The following FLG variants were observed in gnomAD, a reference collection of about 807,000 sequenced individuals.
FLG encodes the protein epidermal filaggrin.
A neutral mutation model predicts 3.8 loss-of-function variants in FLG; 6 were observed. That is an observed-to-expected ratio of 1.60 (90% CI 0.87 to 3.15). The LOEUF (loss-of-function observed/expected upper bound fraction) is 3.15. Ranked by LOEUF, FLG falls within the 30% of genes most tolerant of loss-of-function variation. The pLI is 0.00. For synonymous variants in FLG, 2,551 were observed against 1,931.6 expected, an observed-to-expected ratio of 1.32 and a Z score of -8.41; for missense variants, 7,595 against 5,050.9, an observed-to-expected ratio of 1.50 and a Z score of -15.27.
In FLG at chr1:152,309,053, A is replaced by T. The variant is rs1277310700; in HGVS notation, c.5833T>A (p.Ser1945Thr). The change falls in exon 3 of 3, where the codon TCT becomes ACT. Residue 1945 changes from serine (S) to threonine (T), a missense_variant. Coordinates refer to ENST00000368799, the MANE Select transcript of FLG (RefSeq NM_002016.2). ...SGSASRNHLG[S>T]AWEQSRDGSR... ...CCATCTCTTGACTGCTCCCAAGCAG[A>T]TCCAAGATGGTTTCTGGAAGCAGAC... is the stretch of plus-strand genomic sequence containing the variant. 1 of 1,614,080 alleles carries T rather than the reference A, an allele frequency of 6.2e-7. No homozygotes were observed. Among genetic ancestry groups the T allele is most frequent in the Admixed American group, 1.7e-5 (1 of 60,028 alleles).
Position 152,314,100 on chromosome 1 carries a change from T to C in FLG, c.786A>G (p.Ser262=). ...CTTGAGATGATGATTTGCCATCAGATGACCTTGATCTTTCATATATTTTGT... is the reference window on the plus strand; with the variant it reads ...CTTGAGATGATGATTTGCCATCAGACGACCTTGATCTTTCATATATTTTGT... ...EENKIYERSR[S]SDGKSSSQVN... Residue 262 remains serine, a synonymous_variant, in exon 3 of 3, where the codon TCA becomes TCG. Coordinates refer to ENST00000368799, the MANE Select transcript of FLG (RefSeq NM_002016.2). 6.2e-7 allele frequency: 1 copy of C among 1,614,238 alleles called. No individual in the cohort carries two copies. Among genetic ancestry groups the C allele is most frequent in the Non-Finnish European group, 8.5e-7 (1 of 1,180,026 alleles).
rs1389063817 is a variant in FLG at position 152,312,437 on chromosome 1, T to C, written c.2449A>G (p.Arg817Gly). 2 of 1,613,584 alleles carry C rather than the reference T, an allele frequency of 1.2e-6. No homozygotes were observed. Among genetic ancestry groups the C allele is most frequent in the Non-Finnish European group, 1.7e-6 (2 of 1,179,864 alleles). ...HGWTGPSTGV[R>G]QGSHHEQARD... ...GCCTGCTCATGGTGGGATCCTTGTCTTACTCCAGTGCTGGGCCCTGTCCAT... is the reference window on the plus strand; with the variant it reads ...GCCTGCTCATGGTGGGATCCTTGTCCTACTCCAGTGCTGGGCCCTGTCCAT... Residue 817 changes from arginine (R) to glycine (G), a missense_variant, in exon 3 of 3, where the codon AGA becomes GGA. By Grantham distance (125) the Arg-to-Gly change is moderately radical (BLOSUM62 -2). Transcript: ENST00000368799.
At position 152,303,709 on chromosome 1, in the gene FLG, C is replaced by T. The variant is rs768888609; in HGVS notation, c.11177G>A (p.Arg3726Gln). 155 of 1,613,826 alleles carry T rather than the reference C, an allele frequency of 9.6e-5. 1 individual carries two copies. In the Admixed American group the frequency reaches 1.0e-3, roughly 11 times the overall value. Reference sequence around the variant, plus strand: ...TCTTCCTCCAGTACTGGGCCCAGCCCGTCCATGGGCAGACTCAGACTGTTC... The same window carrying T: ...TCTTCCTCCAGTACTGGGCCCAGCCTGTCCATGGGCAGACTCAGACTGTTC... ...THEQSESAHGRAGPSTGGRQG... is the reference protein window; with the variant it reads ...THEQSESAHGQAGPSTGGRQG... Residue 3726 changes from arginine to glutamine, a missense_variant, in exon 3 of 3, where the codon CGG becomes CAG. Physicochemically the swap from Arg to Gln is conservative, Grantham distance 43. Transcript: ENST00000368799.
chr1:152,303,408 T>C lies in FLG; in HGVS notation c.11478A>G (p.Ser3826=). ...EEQSGDGSRH[S]GSRHHEASTQ... is the part of the protein sequence containing the mutation. ...TGGAAGCTTCATGGTGACGCGACCC[T>C]GAGTGCCTGGAGCCGTCTCCTGACT... Residue 3826 remains serine, a synonymous_variant, in exon 3 of 3, where the codon TCA becomes TCG. Transcript: ENST00000368799. 6.2e-7 allele frequency: 1 copy of C among 1,614,096 alleles called. No homozygotes were observed. The highest frequency in any genetic ancestry group is 1.1e-5 in the South Asian group (1 of 91,076).
rs1452568763 is a variant in FLG at position 152,311,133 on chromosome 1, C to T, written c.3753G>A (p.Gln1251=). The change falls in exon 3 of 3, where the codon CAG becomes CAA. Residue 1251 remains glutamine, a synonymous_variant. Coordinates refer to ENST00000368799, the MANE Select transcript of FLG (RefSeq NM_002016.2). ...ASWADSSRHS[Q]VGQEQSSGSR... ...ACCCCGATGATTGTTCCTGTCCCACCTGTGAGTGTCTAGAGCTGTCAGCCC... is the reference window on the plus strand; with the variant it reads ...ACCCCGATGATTGTTCCTGTCCCACTTGTGAGTGTCTAGAGCTGTCAGCCC... 24 of 1,613,910 alleles carry T rather than the reference C, an allele frequency of 1.5e-5. No homozygotes were observed. Among genetic ancestry groups the T allele is most frequent in the Non-Finnish European group, 2.0e-5 (24 of 1,179,998 alleles).
Position 152,314,600 on chromosome 1 carries a change from T to C in FLG, c.286A>G (p.Ile96Val). 1 of 1,614,016 alleles carries C rather than the reference T, an allele frequency of 6.2e-7. No homozygotes were observed. Among genetic ancestry groups the C allele is most frequent in the Non-Finnish European group, 8.5e-7 (1 of 1,179,932 alleles). Residue 96 changes from isoleucine (I) to valine (V), a missense_variant, in exon 3 of 3, where the codon ATA becomes GTA. Coordinates refer to ENST00000368799, the MANE Select transcript of FLG (RefSeq NM_002016.2). ...YESTRKENLP[I>V]SGHKHRKHSH... is the part of the protein sequence containing the mutation. ...TGCTTTCTGTGCTTGTGTCCTGATA[T>C]CGGTAAATTCTCTTTTCTGGTAGAC...
chr1:152,308,161 C>G lies in FLG; in HGVS notation c.6725G>C (p.Ser2242Thr). 6.2e-7 allele frequency: 1 copy of G among 1,614,026 alleles called. No homozygotes were observed. The highest frequency in any genetic ancestry group is 1.1e-5 in the South Asian group (1 of 91,078). The part of the protein sequence containing the change: ...GPRTSRPRGS[S>T]VSQDSDSEGH... The stretch of plus-strand genomic sequence containing the variant: ...CTCACTGTCACTGTCCTGGCTAACA[C>G]TGGATCCCCGGGGCCTGCTTGTCCT... The change falls in exon 3 of 3, where the codon AGT becomes ACT. Residue 2242 changes from serine (S) to threonine (T), a missense_variant. Physicochemically the swap from Ser to Thr is moderately conservative, Grantham distance 58. Transcript: ENST00000368799.
intron 1 of FLG, among the ~76,000 whole-genome samples, chr1:152,321,095 CAT>C (rs1323696899): frequency 6.6e-6 from 1 of 150,640 alleles, no homozygotes; most frequent in Non-Finnish European, 1.5e-5. Context: ...TATACACTCA[CAT>C]ATATATGTAT....
At position 152,307,557 on chromosome 1, in the gene FLG, G is replaced by A. The variant is rs200938831; in HGVS notation, c.7329C>T (p.His2443=). The change falls in exon 3 of 3, where the codon CAC becomes CAT. Residue 2443 remains histidine, a synonymous_variant. Transcript: ENST00000368799. The stretch of plus-strand genomic sequence containing the variant: ...GCCTGGAGCTGTCTCGTGCCTGCTT[G>A]TGGTGGGATCCTTGTCTTCCTCCAG... ...TSTGGRQGSH[H]KQARDSSRHS... 9.9e-6 allele frequency: 16 copies of A among 1,613,582 alleles called. No homozygotes were observed. Among genetic ancestry groups the A allele is most frequent in the Non-Finnish European group, 1.3e-5 (15 of 1,179,924 alleles).
rs1260173275 is a variant in FLG at position 152,308,164 on chromosome 1, G to A, written c.6722C>T (p.Ser2241Phe). 4 of 1,613,608 alleles carry A rather than the reference G, an allele frequency of 2.5e-6. No individual in the cohort carries two copies. The highest frequency in any genetic ancestry group is 2.7e-5 in the African/African-American group (2 of 74,746). The stretch of plus-strand genomic sequence containing the variant: ...ACTGTCACTGTCCTGGCTAACACTG[G>A]ATCCCCGGGGCCTGCTTGTCCTGGG... ...SGPRTSRPRG[S>F]SVSQDSDSEG... is the part of the protein sequence containing the mutation. The change falls in exon 3 of 3, where the codon TCC becomes TTC. Residue 2241 changes from serine to phenylalanine, a missense_variant. Physicochemically the swap from Ser to Phe is radical, Grantham distance 155. Coordinates refer to ENST00000368799, the MANE Select transcript of FLG (RefSeq NM_002016.2).
chr1:152,309,996 G>A lies in FLG; in HGVS notation c.4890C>T (p.Ser1630=), dbSNP rs549165915. 6.2e-4 allele frequency: 999 copies of A among 1,613,950 alleles called. 15 individuals are homozygous for A. The South Asian group carries it at 0.01, about 16-fold the overall frequency. Reference sequence around the variant, plus strand: ...CTTCTTGATGGGACCTGGGGTTCCTGGAGCCATGTCTTGACTGCTCCCGAG... The same window carrying A: ...CTTCTTGATGGGACCTGGGGTTCCTAGAGCCATGTCTTGACTGCTCCCGAG... ...GSAREQSRHG[S]RNPRSHQEDR... is the part of the protein sequence containing the mutation. The change falls in exon 3 of 3, where the codon TCC becomes TCT. Residue 1630 remains serine (S), a synonymous_variant. Transcript: ENST00000368799.
Position 152,314,452 on chromosome 1 carries a change from C to G in FLG, c.434G>C (p.Arg145Thr), listed in dbSNP as rs751449152. 1.1e-5 allele frequency: 17 copies of G among 1,613,344 alleles called. No homozygotes were observed. The highest frequency in any genetic ancestry group is 1.4e-5 in the Non-Finnish European group (16 of 1,179,780). ...KGNKGRSKSP[R>T]ETGGKRHESS... ...TTCATGCCTTTTCCCCCCTGTTTCT[C>G]TTGGGCTCTTGGATCTTCCCTTATT... The change falls in exon 3 of 3, where the codon AGA becomes ACA. Residue 145 changes from arginine (R) to threonine (T), a missense_variant. Arg to Thr is a moderately conservative substitution (Grantham distance 71, BLOSUM62 -1). Transcript: ENST00000368799.
In FLG at chr1:152,314,178, A is replaced by G; in HGVS notation, c.708T>C (p.Tyr236=). 2.5e-6 allele frequency: 4 copies of G among 1,614,108 alleles called. No individual in the cohort carries two copies. Among genetic ancestry groups the G allele is most frequent in the Non-Finnish European group, 3.4e-6 (4 of 1,180,018 alleles). The change falls in exon 3 of 3, where the codon TAT becomes TAC. Residue 236 remains tyrosine (Y), a synonymous_variant. Coordinates refer to ENST00000368799, the MANE Select transcript of FLG (RefSeq NM_002016.2). ...CATAGGCTTCATCCTGGATTGTGTA[A>G]TATGTGGCAATATGGCCTGATTGTA... ...KWIQSGHIAT[Y]YTIQDEAYDT...
Position 152,311,117 on chromosome 1 carries a change from A to G in FLG, c.3769T>C (p.Ser1257Pro). ...TGCCTGCTTGTCCTGGACCCCGATG[A>G]TTGTTCCTGTCCCACCTGTGAGTGT... ...SRHSQVGQEQSSGSRTSRHQG... is the reference protein window; with the variant it reads ...SRHSQVGQEQPSGSRTSRHQG... The change falls in exon 3 of 3, where the codon TCA becomes CCA. Residue 1257 changes from serine (S) to proline (P), a missense_variant. Ser to Pro is a moderately conservative substitution (Grantham distance 74, BLOSUM62 -1). Coordinates refer to ENST00000368799, the MANE Select transcript of FLG (RefSeq NM_002016.2). 6.2e-7 allele frequency: 1 copy of G among 1,613,218 alleles called. No individual in the cohort carries two copies. Among genetic ancestry groups the G allele is most frequent in the Non-Finnish European group, 8.5e-7 (1 of 1,179,844 alleles).
Position 152,304,701 on chromosome 1 carries a change from C to A in FLG, c.10185G>T (p.Gln3395His). 1.9e-6 allele frequency: 3 copies of A among 1,613,428 alleles called. No individual in the cohort carries two copies. Among genetic ancestry groups the A allele is most frequent in the Middle Eastern group, 3.3e-4 (2 of 6,058 alleles). Residue 3395 changes from glutamine to histidine, a missense_variant, in exon 3 of 3, where the codon CAG becomes CAT. Gln to His is a conservative substitution (Grantham distance 24). Transcript: ENST00000368799. The stretch of plus-strand genomic sequence containing the variant: ...TGGTCCGCCCATGGGCAGACTCAGA[C>A]TGTTCATGAGTGCTCACCTGGTAGA... ...SFLYQVSTHE[Q>H]SESAHGRTRT...
rs1652700844 is a variant in FLG, at chr1:152,314,513, G to C, written c.373C>G (p.Pro125Ala). The change falls in exon 3 of 3, where the codon CCC becomes GCC. Residue 125 changes from proline (P) to alanine (A), a missense_variant. Pro to Ala is a conservative substitution (Grantham distance 27). Transcript: ENST00000368799. ...TTGTTTCTTCTTTCCAGACTTGAGG[G>C]TCTTTTTCTGTTTTCTTTGTTTTCT... Reference protein sequence around the residue: ...QEENKENRKRPSSLERRNNRK... With the variant: ...QEENKENRKRASSLERRNNRK... The C allele has an allele frequency of 6.2e-7, 1 of 1,613,274 alleles. No homozygotes were observed. The highest frequency in any genetic ancestry group is 8.5e-7 in the Non-Finnish European group (1 of 1,179,842).
At position 152,314,726 on chromosome 1, in the gene FLG, C is replaced by G. The variant is rs1225860917; in HGVS notation, c.160G>C (p.Val54Leu). 2 of 1,613,844 alleles carry G rather than the reference C, an allele frequency of 1.2e-6. No individual in the cohort carries two copies. The highest frequency in any genetic ancestry group is 4.5e-5 in the East Asian group (2 of 44,858). The change falls in exon 3 of 3, where the codon GTT becomes CTT. Residue 54 changes from valine (V) to leucine (L), a missense_variant. Transcript: ENST00000368799. The stretch of plus-strand genomic sequence containing the variant: ...TCCAAGTGATCCATGAAGACATCAA[C>G]CATATCTGGGTCATCTGGATTCTGT... Reference protein sequence around the residue: ...ILKNPDDPDMVDVFMDHLDID... With the variant: ...ILKNPDDPDMLDVFMDHLDID...
rs144184134 is a variant in FLG, at chr1:152,311,180, G to A, written c.3706C>T (p.Arg1236Cys). The change falls in exon 3 of 3, where the codon CGT becomes TGT. Residue 1236 changes from arginine to cysteine, a missense_variant. Arg to Cys is a radical substitution (Grantham distance 180). Coordinates refer to ENST00000368799, the MANE Select transcript of FLG (RefSeq NM_002016.2). ...SGDGSRHSGS[R>C]HHEAASWADS... The stretch of plus-strand genomic sequence containing the variant: ...GCCCAAGAGGCAGCTTCATGGTGAC[G>A]TGACCCTGAGTGCCTGGAGCCGTCT... 204 of 1,613,750 alleles carry A rather than the reference G, an allele frequency of 1.3e-4. No homozygotes were observed. The highest frequency in any genetic ancestry group is 1.1e-3 in the African/African-American group (82 of 74,912).
At position 152,303,777 on chromosome 1, in the gene FLG, C is replaced by A. The variant is rs763975583; in HGVS notation, c.11109G>T (p.Arg3703Ser). 1.9e-6 allele frequency: 3 copies of A among 1,613,736 alleles called. No individual in the cohort carries two copies. Among genetic ancestry groups the A allele is most frequent in the Admixed American group, 1.7e-5 (1 of 59,932 alleles). Residue 3703 changes from arginine to serine, a missense_variant, in exon 3 of 3, where the codon AGG (arginine) becomes AGT (serine). By Grantham distance (110) the Arg-to-Ser change is moderately radical (BLOSUM62 -1). Transcript: ENST00000368799. ...QESTRGRSAG[R>S]SGRSGSFLYQ... ...AGAGGAAAGACCCTGAACGTCCAGA[C>A]CTTCCTGCTGACCGGCCACGTGTGG...
Sources: allele counts gnomAD v4.1 joint callset (sites outside exome capture counted in the v4.1 genomes callset), GRCh38; gene constraint gnomAD v4.1.1; transcripts MANE v1.5; gene names NCBI Gene and HGNC (gene_info 2026-07-23, HGNC 2026-07-21).